TMEM163: variants seen among roughly 807,000 people sequenced by gnomAD.
The protein encoded by TMEM163 is transmembrane protein 163.
In TMEM163, 17 loss-of-function variants were observed where a neutral mutation model predicts 29.3. The ratio of observed to expected loss-of-function variants is 0.58; its 90% CI spans 0.40 to 0.87. The LOEUF is 0.87. Among genes scored for constraint, TMEM163 ranks in the 40% least tolerant of loss-of-function variants. The probability of loss-of-function intolerance (pLI) is 0.00; values close to 1 mark genes in which losing one functional copy is unlikely to be tolerated. For synonymous variants in TMEM163, 157 were observed against 160.6 expected, an observed-to-expected ratio of 0.98 and a Z score of 0.17; for missense variants, 303 against 381.5, an observed-to-expected ratio of 0.79 and a Z score of 1.71.
At chr2:134,716,089 A>C (rs1559002759) in intron 1 of TMEM163, among the ~76,000 whole-genome samples, 1 of 152,182 alleles carries the variant, frequency 6.6e-6, no homozygotes, top group South Asian at 2.1e-4. Context: ...AAGAAAGGGA[A>C]ATTTTGTTAG....
intron 2 of TMEM163, among the ~76,000 whole-genome samples, chr2:134,683,716 C>T (rs1243858886): frequency 6.6e-6 from 1 of 152,142 alleles, no homozygotes; most frequent in Non-Finnish European, 1.5e-5. Context: ...TTAGTAGACG[C>T]TGGGAGGGAA....
chr2:134,527,020 T>C (rs1339037755), intron 4 of TMEM163, among the ~76,000 whole-genome samples: 2 of 152,222 alleles, frequency 1.3e-5, no homozygotes, highest in East Asian at 1.9e-4. Flanking sequence ...ACTAAGACCC[T>C]ATAAAAATGC....
intron 5 of TMEM163, among the ~76,000 whole-genome samples, chr2:134,473,292 T>C (rs1192681315): frequency 6.6e-6 from 1 of 151,860 alleles, no homozygotes; most frequent in East Asian, 1.9e-4. Context: ...TCCCAGGACT[T>C]TGGGAGTCCG....
chr2:134,717,076 T>C (rs1054476173), intron 1 of TMEM163, among the ~76,000 whole-genome samples: 1 of 152,200 alleles, frequency 6.6e-6, no homozygotes, highest in African/African-American at 2.4e-5. Flanking sequence ...GAAGGGCTTT[T>C]TACACTTGAA....
At chr2:134,625,030 C>T (rs1056442413) in intron 2 of TMEM163, among the ~76,000 whole-genome samples, 6 of 152,162 alleles carry the variant, frequency 3.9e-5, no homozygotes, top group African/African-American at 2.4e-5. Context: ...TAGTATATTA[C>T]ATTTTAACAA....
chr2:134,564,006 A>C (rs1236394963), intron 2 of TMEM163, among the ~76,000 whole-genome samples: 4 of 152,106 alleles, frequency 2.6e-5, no homozygotes, highest in African/African-American at 9.7e-5. Context: ...AGCCGAGATC[A>C]TGCCACTACA....
At chr2:134,605,664 T>A (rs1234916567) in intron 2 of TMEM163, among the ~76,000 whole-genome samples, 2 of 146,210 alleles carry the variant, frequency 1.4e-5, no homozygotes, top group Non-Finnish European at 3.0e-5. Flanking sequence ...CCAGCCTGGG[T>A]GATGAGAATG....
intron 2 of TMEM163, among the ~76,000 whole-genome samples, chr2:134,698,409 A>G (rs1684625570): frequency 1.3e-5 from 2 of 152,136 alleles, no homozygotes; most frequent in African/African-American, 4.8e-5. Flanking sequence ...TTCTCGTATT[A>G]CTAATTACAC....
intron 2 of TMEM163, among the ~76,000 whole-genome samples, chr2:134,687,313 G>T (rs1238334075): frequency 6.6e-6 from 1 of 152,206 alleles, no homozygotes; most frequent in Non-Finnish European, 1.5e-5. Context: ...TGCTTCTCGG[G>T]TAAGAAGTAG....
At chr2:134,673,237 G>A (rs181191321) in intron 2 of TMEM163, among the ~76,000 whole-genome samples, 143 of 152,200 alleles carry the variant, frequency 9.4e-4, no homozygotes, top group African/African-American at 3.0e-3. Flanking sequence ...CCCGTTTCAT[G>A]AGCTCGCATT....
At chr2:134,559,153 GCT>G (rs1681112264) in intron 2 of TMEM163, among the ~76,000 whole-genome samples, 1 of 152,132 alleles carries the variant, frequency 6.6e-6, no homozygotes, top group Non-Finnish European at 1.5e-5. Context: ...TGGTGCCAAT[GCT>G]ACGTTCAGAT....
intron 2 of TMEM163, among the ~76,000 whole-genome samples, chr2:134,649,107 T>C (rs1167784827): frequency 6.6e-6 from 1 of 152,198 alleles, no homozygotes; most frequent in Non-Finnish European, 1.5e-5. Flanking sequence ...TAAATAAGTG[T>C]GTGCGACAAA....
chr2:134,658,836 A>T (rs1683681898), intron 2 of TMEM163, among the ~76,000 whole-genome samples: 1 of 152,124 alleles, frequency 6.6e-6, no homozygotes, highest in African/African-American at 2.4e-5. Flanking sequence ...TGACCTCGTG[A>T]TCCGCCCTCC....
rs1482995999 is a variant in TMEM163, at chr2:134,650,914, G to A, written c.322+62286C>T. Among the ~76,000 whole-genome samples, 29 of 128,356 alleles carry A rather than the reference G, an allele frequency of 2.3e-4. 1 individual carries two copies. The highest frequency in any genetic ancestry group is 4.2e-4 in the Non-Finnish European group (27 of 63,912). The allele number at this position is 128,356 out of a possible 152,430, so 84.2% of individuals were successfully genotyped here. On this transcript the variant is annotated intron_variant, in intron 2 of 7. Transcript: ENST00000281924. ...CTGCATTGTATTCCATGGTGTATATGTGCCACATTTTCTTAATCCAGTCTA... is the reference window on the plus strand; with the variant it reads ...CTGCATTGTATTCCATGGTGTATATATGCCACATTTTCTTAATCCAGTCTA...
chr2:134,569,973 C>T (rs1364193666), intron 2 of TMEM163, among the ~76,000 whole-genome samples: 1 of 152,168 alleles, frequency 6.6e-6, no homozygotes, highest in Non-Finnish European at 1.5e-5. Context: ...GCCCGTTGGT[C>T]ACTTATTAGC....
chr2:134,560,089 G>C (rs1681133632), intron 2 of TMEM163, among the ~76,000 whole-genome samples: 1 of 152,008 alleles, frequency 6.6e-6, no homozygotes, highest in African/African-American at 2.4e-5. Flanking sequence ...CCAGGGATCA[G>C]CCTGGCCTGC....
intron 5 of TMEM163, among the ~76,000 whole-genome samples, chr2:134,477,684 A>AT (rs1235902822): frequency 6.6e-6 from 1 of 152,208 alleles, no homozygotes; most frequent in African/African-American, 2.4e-5. Flanking sequence ...AGAAAGTAAG[A>AT]TTTTTTTCAA....
At chr2:134,502,133 T>C (rs536526436) in intron 5 of TMEM163, among the ~76,000 whole-genome samples, 1 of 152,370 alleles carries the variant, frequency 6.6e-6, no homozygotes, top group South Asian at 2.1e-4. Flanking sequence ...TCTAATCATT[T>C]TGGTCTTATA....
intron 2 of TMEM163, among the ~76,000 whole-genome samples, chr2:134,628,805 T>A (rs190826421): frequency 1.3e-5 from 2 of 152,368 alleles, no homozygotes; most frequent in Admixed American, 6.5e-5. Context: ...ATCATGAGTA[T>A]AACAGCTTTT....
Sources: allele counts gnomAD v4.1 joint callset (sites outside exome capture counted in the v4.1 genomes callset), GRCh38; gene constraint gnomAD v4.1.1; transcripts MANE v1.5; gene names NCBI Gene and HGNC (gene_info 2026-07-23, HGNC 2026-07-21).